MICAL1: variants seen among roughly 807,000 people sequenced by gnomAD.
The protein encoded by MICAL1 is [F-actin]-monooxygenase MICAL1.
Under a neutral mutation model 131.8 loss-of-function variants are expected in MICAL1, and 95 were observed. The observed-to-expected ratio is 0.72, with a 90% confidence interval of 0.61 to 0.86. MICAL1 has a LOEUF of 0.86. Among genes scored for constraint, MICAL1 ranks in the 40% least tolerant of loss-of-function variants. The probability of loss-of-function intolerance (pLI) is 0.00; values close to 1 mark genes in which losing one functional copy is unlikely to be tolerated. For missense variants in MICAL1, 1,292 were observed against 1,380.6 expected (o/e 0.94, Z 1.02); for synonymous variants, 546 against 554.2 (o/e 0.99, Z 0.21).
chr6:109,454,282 A>G (rs1775663468), intron 1 of MICAL1, 43 bp from the exon 2 acceptor site: 2 of 1,494,162 alleles, frequency 1.3e-6, no homozygotes, highest in South Asian at 2.6e-5. Context: ...GGAGAACAGA[A>G]GAAATAAAAA....
At position 109,446,362 on chromosome 6, in the gene MICAL1, G is replaced by A; in HGVS notation, c.2355C>T (p.Pro785=). 1 of 1,613,506 alleles carries A rather than the reference G, an allele frequency of 6.2e-7. No homozygotes were observed. The highest frequency in any genetic ancestry group is 1.1e-5 in the South Asian group (1 of 91,034). The change falls in exon 19 of 25, where the codon CCC becomes CCT. Residue 785 remains proline (P), a synonymous_variant. Transcript: ENST00000358807. ...GACCGGCCCCCTCCTGCGAGGCTGT[G>A]GGAGTTGAGAGGCCTGGTGGCATGC... ...ENSMPPGLST[P]TASQEGAGPV...
At chr6:109,465,364 G>C (rs556066034) in intron 1 of MICAL1, 6 of 420,982 alleles carry the variant, frequency 1.4e-5, no homozygotes, top group African/African-American at 4.0e-5. Context: ...CATACATTGT[G>C]ATCTGTCATA....
Position 109,448,187 on chromosome 6 carries a change from C to T in MICAL1, c.1855+16G>A, listed in dbSNP as rs1328492774. On this transcript the variant is annotated intron_variant, in intron 13 of 24. Coordinates refer to ENST00000358807, the MANE Select transcript of MICAL1 (RefSeq NM_022765.4). ...TCCCCATCCCAGTTATCCTGCCCGC[C>T]TTTCCTTCAGGTCACCTGGGCTGTG... The T allele has an allele frequency of 3.8e-6, 6 of 1,598,514 alleles. No homozygotes were observed. Among genetic ancestry groups the T allele is most frequent in the South Asian group, 1.1e-5 (1 of 90,850 alleles).
chr6:109,452,935 T>A (rs1189670329), intron 4 of MICAL1, among the ~76,000 whole-genome samples: 1 of 152,070 alleles, frequency 6.6e-6, no homozygotes, highest in Non-Finnish European at 1.5e-5. Flanking sequence ...GGTGGGTGGA[T>A]CACTTGAGGT....
chr6:109,452,732 A>G, intron 4 of MICAL1, 117 bp from the exon 5 acceptor site: 1 of 708,988 alleles, frequency 1.4e-6, no homozygotes. Context: ...TTAGAAAGCA[A>G]TGATATATTA....
chr6:109,462,640 T>C (rs892009214), intron 1 of MICAL1: 2 of 152,224 alleles, frequency 1.3e-5, no homozygotes, highest in African/African-American at 4.8e-5. Context: ...ACAACATTTA[T>C]AACACAAGAA....
At chr6:109,451,838 G>A (rs962666433) in intron 6 of MICAL1, 138 bp from the exon 7 acceptor site, 7 of 1,441,928 alleles carry the variant, frequency 4.9e-6, no homozygotes, top group Admixed American at 2.6e-5. Context: ...AGAACCCCAC[G>A]AGTCCTGATG....
intron 3 of MICAL1, 111 bp from the exon 4 acceptor site, chr6:109,453,478 G>C: frequency 6.7e-7 from 1 of 1,497,898 alleles, no homozygotes; most frequent in South Asian, 1.2e-5. Context: ...CAATCACTCA[G>C]CCCAAAAGCC....
intron 3 of MICAL1, 51 bp from the exon 4 acceptor site, chr6:109,453,418 C>G: frequency 6.3e-7 from 1 of 1,582,806 alleles, no homozygotes; most frequent in Non-Finnish European, 8.6e-7. Flanking sequence ...GCACAAGCTC[C>G]CCATGTACCA....
chr6:109,446,123 G>A lies in MICAL1; in HGVS notation c.2581+13C>T, dbSNP rs1010890448. The A allele has an allele frequency of 2.0e-6, 3 of 1,533,426 alleles. No individual in the cohort carries two copies. Among genetic ancestry groups the A allele is most frequent in the Non-Finnish European group, 2.6e-6 (3 of 1,144,646 alleles). The allele number at this position is 1,533,426 out of a possible 1,614,324, so 95.0% of individuals were successfully genotyped here. ...TCCCACCCTGGGTCAGCACATCTGT[G>A]AGGATGGGTTACCTTGAGGGCTCTG... On this transcript the variant is annotated intron_variant, in intron 19 of 24. Transcript: ENST00000358807.
chr6:109,450,233 C>T lies in MICAL1; in HGVS notation c.1191+67G>A, dbSNP rs961723781. 6 of 1,570,706 alleles carry T rather than the reference C, an allele frequency of 3.8e-6. No homozygotes were observed. In the East Asian group the frequency reaches 6.8e-5, roughly 18 times the overall value. ...CCCCTCTGCAGGCAGACCTTTTTAT[C>T]CCCTCCTCCATACTAGGCAGCTCCC... On this transcript the variant is annotated intron_variant, in intron 8 of 24. Coordinates refer to ENST00000358807, the MANE Select transcript of MICAL1 (RefSeq NM_022765.4).
At chr6:109,444,643 G>T in intron 24 of MICAL1, 82 bp downstream of exon 24, 2 of 1,498,346 alleles carry the variant, frequency 1.3e-6, no homozygotes, top group South Asian at 1.1e-5. Flanking sequence ...AGAGCATCAT[G>T]TTGCTTGGTC....
chr6:109,445,875 A>G lies in MICAL1; in HGVS notation c.2582-13T>C. The G allele has an allele frequency of 6.3e-7, 1 of 1,593,706 alleles. No homozygotes were observed. Among genetic ancestry groups the G allele is most frequent in the Middle Eastern group, 1.7e-4 (1 of 5,736 alleles). ...ATGGCCACAAGAGCTGAGAAGAAGA[A>G]CTGAGACGTTCTACTGCCTCCAGCG... On this transcript the variant is annotated splice_polypyrimidine_tract_variant and intron_variant, in intron 19 of 24. Coordinates refer to ENST00000358807, the MANE Select transcript of MICAL1 (RefSeq NM_022765.4).
Position 109,453,330 on chromosome 6 carries a change from T to C in MICAL1, c.504A>G (p.Ala168=). The change falls in exon 4 of 25, where the codon GCA becomes GCG. Residue 168 remains alanine, a synonymous_variant. Coordinates refer to ENST00000358807, the MANE Select transcript of MICAL1 (RefSeq NM_022765.4). ...RQLQLLLLKV[A]LLLGVEIHWG... ...AGTGAATTTCCACCCCCAGCAGCAA[T>C]GCTACCTTCAGCAGAAGCAGCTGGA... is the stretch of plus-strand genomic sequence containing the variant. 1 of 1,613,946 alleles carries C rather than the reference T, an allele frequency of 6.2e-7. No homozygotes were observed. Among genetic ancestry groups the C allele is most frequent in the East Asian group, 2.2e-5 (1 of 44,846 alleles).
intron 1 of MICAL1, chr6:109,465,300 G>T: frequency 3.9e-6 from 1 of 256,910 alleles, no homozygotes; most frequent in East Asian, 8.8e-5. Context: ...AAGATAAAAC[G>T]TTGAGGGTTA....
At chr6:109,446,060 C>A in intron 19 of MICAL1, 76 bp downstream of exon 19, 1 of 1,500,368 alleles carries the variant, frequency 6.7e-7, no homozygotes. Context: ...TCTGTATTCC[C>A]CAGAATTCCT....
At chr6:109,453,455 G>A (rs182379917) in intron 3 of MICAL1, 88 bp from the exon 4 acceptor site, 1 of 1,530,238 alleles carries the variant, frequency 6.5e-7, no homozygotes, top group Non-Finnish European at 8.9e-7. Context: ...GGTCAGACTG[G>A]AAAAGGCCTT....
chr6:109,451,767 C>A, intron 6 of MICAL1, 67 bp from the exon 7 acceptor site: 1 of 1,590,898 alleles, frequency 6.3e-7, no homozygotes. Flanking sequence ...CTAAACATCC[C>A]AACATGGCCT....
intron 19 of MICAL1, 54 bp downstream of exon 19, chr6:109,446,082 C>A: frequency 6.6e-7 from 1 of 1,517,584 alleles, no homozygotes; most frequent in Admixed American, 2.3e-5. Flanking sequence ...TGCAGGAAGC[C>A]AGTGCTCCCA....
Sources: allele counts gnomAD v4.1 joint callset (sites outside exome capture counted in the v4.1 genomes callset), GRCh38; gene constraint gnomAD v4.1.1; transcripts MANE v1.5; gene names NCBI Gene and HGNC (gene_info 2026-07-23, HGNC 2026-07-21).